The following PLA2G4A variants were observed in gnomAD, a reference collection of about 807,000 sequenced individuals.
PLA2G4A encodes phospholipase A2 group IVA, also known as cytosolic phospholipase A2.
PLA2G4A carries 40 observed loss-of-function variants against 81.9 expected under a neutral mutation model. That is an observed-to-expected ratio of 0.49 (90% CI 0.38 to 0.64). The LOEUF (loss-of-function observed/expected upper bound fraction) is 0.64, where lower values mean the gene tolerates loss of function less well. PLA2G4A is among the 30% of genes least tolerant of loss of function. The pLI, the probability that PLA2G4A is intolerant of heterozygous loss-of-function variation, is 0.00. For synonymous variants in PLA2G4A, 302 were observed against 296.9 expected (o/e 1.02, Z -0.18); for missense variants, 715 against 905.1 (o/e 0.79, Z 2.69).
At chr1:186,898,211 T>G (rs960731293) in intron 5 of PLA2G4A, among the ~76,000 whole-genome samples, 14 of 152,134 alleles carry the variant, frequency 9.2e-5, no homozygotes, top group African/African-American at 3.4e-4. Context: ...ATTGTGTTAT[T>G]AATATGAGAA....
At chr1:186,866,360 GAC>G (rs1314524636) in intron 2 of PLA2G4A, among the ~76,000 whole-genome samples, 2 of 152,162 alleles carry the variant, frequency 1.3e-5, no homozygotes, top group Non-Finnish European at 2.9e-5. Context: ...GATGGGCACA[GAC>G]ACAGAACAGC....
intron 7 of PLA2G4A, among the ~76,000 whole-genome samples, chr1:186,917,015 G>A (rs920705567): frequency 3.9e-5 from 6 of 152,098 alleles, no homozygotes; most frequent in East Asian, 1.9e-4. Flanking sequence ...GGGGTTGTCC[G>A]GGCTCGGTTT....
At chr1:186,920,039 CG>C (rs1655290394) in intron 7 of PLA2G4A, among the ~76,000 whole-genome samples, 1 of 152,160 alleles carries the variant, frequency 6.6e-6, no homozygotes, top group Non-Finnish European at 1.5e-5. Flanking sequence ...TCTATGAGCA[CG>C]GGGGCTTGGT....
intron 7 of PLA2G4A, among the ~76,000 whole-genome samples, chr1:186,927,382 C>T (rs543237776): frequency 6.6e-6 from 1 of 152,214 alleles, no homozygotes; most frequent in South Asian, 2.1e-4. Flanking sequence ...AGTTCAGAAG[C>T]CACTTTTTAA....
intron 2 of PLA2G4A, among the ~76,000 whole-genome samples, chr1:186,865,460 T>A (rs1041380621): frequency 2.6e-5 from 4 of 152,048 alleles, no homozygotes; most frequent in South Asian, 2.1e-4. Flanking sequence ...AAAATAAGTA[T>A]CTTACCAAAA....
intron 8 of PLA2G4A, among the ~76,000 whole-genome samples, chr1:186,934,443 C>CATATATATATATATATAT (rs71571011): frequency 0.052 from 5,125 of 99,018 alleles, 315 homozygotes; most frequent in Non-Finnish European, 0.067. Flanking sequence ...TAAATGTGCA[C>CATATATATATATATATAT]ATATATATAT....
chr1:186,864,124 C>T (rs1441056727), intron 2 of PLA2G4A, among the ~76,000 whole-genome samples: 1 of 152,146 alleles, frequency 6.6e-6, no homozygotes, highest in Non-Finnish European at 1.5e-5. Context: ...GAACAAATGA[C>T]AGGATTTCCT....
chr1:186,875,436 T>A (rs894654939), intron 3 of PLA2G4A, among the ~76,000 whole-genome samples: 1 of 152,038 alleles, frequency 6.6e-6, no homozygotes, highest in African/African-American at 2.4e-5. Context: ...CTGAAATTAT[T>A]TTATACTAAA....
At chr1:186,937,109 T>C (rs547072931) in intron 8 of PLA2G4A, among the ~76,000 whole-genome samples, 1 of 151,916 alleles carries the variant, frequency 6.6e-6, no homozygotes, top group South Asian at 2.1e-4. Context: ...TATCCAACTC[T>C]CCTTGTGAAT....
intron 10 of PLA2G4A, among the ~76,000 whole-genome samples, chr1:186,941,763 C>A (rs1444319771): frequency 2.6e-5 from 4 of 152,044 alleles, no homozygotes; most frequent in Non-Finnish European, 4.4e-5. Context: ...CCCTATAAGA[C>A]CTTATAGTCT....
intron 3 of PLA2G4A, among the ~76,000 whole-genome samples, chr1:186,880,185 T>G (rs185712667): frequency 1.4e-4 from 22 of 152,150 alleles, no homozygotes; most frequent in African/African-American, 5.3e-4. Context: ...AATAACCCTT[T>G]GGAAAAATGC....
chr1:186,870,362 A>T, intron 2 of PLA2G4A, 73 bp from the exon 3 acceptor site: 2 of 875,116 alleles, frequency 2.3e-6, no homozygotes, highest in Non-Finnish European at 3.9e-6. Flanking sequence ...AGAATATTTT[A>T]AATTAATCTC....
Position 186,935,414 on chromosome 1 carries a change from T to A in PLA2G4A, c.695+2515T>A, listed in dbSNP as rs534690730. On this transcript the variant is annotated intron_variant, in intron 8 of 17. Transcript: ENST00000367466. The stretch of plus-strand genomic sequence containing the variant: ...GGCCCAGGGAAGGGTTTTTATTTTT[T>A]TTTTTTTCAGAATTTAAGAGAGTTG... Among the ~76,000 whole-genome samples the A allele has an allele frequency of 1.7e-4, 25 of 151,484 alleles. No individual in the cohort carries two copies. The East Asian group carries it at 1.7e-3, about 11-fold the overall frequency.
intron 3 of PLA2G4A, among the ~76,000 whole-genome samples, chr1:186,881,959 T>C (rs763109151): frequency 6.6e-6 from 1 of 152,100 alleles, no homozygotes; most frequent in Admixed American, 6.6e-5. Context: ...ACTGCTATCA[T>C]GGAGTTTACA....
At chr1:186,858,646 T>G (rs2102036433) in intron 2 of PLA2G4A, among the ~76,000 whole-genome samples, 1 of 152,248 alleles carries the variant, frequency 6.6e-6, no homozygotes, top group East Asian at 1.9e-4. Context: ...CACTGGGACC[T>G]TTTCTTGAAA....
At chr1:186,940,169 G>A (rs1010545354) in intron 10 of PLA2G4A, 75 bp downstream of exon 10, 4 of 817,842 alleles carry the variant, frequency 4.9e-6, no homozygotes, top group Non-Finnish European at 8.8e-6. Flanking sequence ...CTTAGAGGAA[G>A]GTCATAAGCA....
At chr1:186,953,411 G>T (rs1350116613) in intron 13 of PLA2G4A, among the ~76,000 whole-genome samples, 3 of 151,846 alleles carry the variant, frequency 2.0e-5, no homozygotes, top group Non-Finnish European at 4.4e-5. Flanking sequence ...TTTGGATTGG[G>T]GTTATTTTCT....
intron 4 of PLA2G4A, 142 bp downstream of exon 4, chr1:186,893,301 G>T (rs1387067268): frequency 1.0e-5 from 8 of 786,574 alleles, no homozygotes; most frequent in African/African-American, 1.7e-5. Context: ...GAATCTAAAT[G>T]GTGTCTGTCA....
chr1:186,961,473 G>C (rs1372391884), intron 14 of PLA2G4A, among the ~76,000 whole-genome samples: 1 of 145,838 alleles, frequency 6.9e-6, no homozygotes, highest in African/African-American at 2.6e-5. Context: ...ATTATTATTT[G>C]TCTACAAAAT....
Sources: gnomAD v4.1 joint callset for allele counts (sites outside exome capture counted in the v4.1 genomes callset) on GRCh38, gnomAD v4.1.1 for gene constraint, MANE v1.5 for transcripts, NCBI Gene and HGNC (gene_info 2026-07-23, HGNC 2026-07-21) for gene names.